The following ASPH variants were observed in gnomAD, a reference collection of about 807,000 sequenced individuals.
ASPH encodes the protein aspartyl/asparaginyl beta-hydroxylase.
ASPH carries 100 observed loss-of-function variants against 118.4 expected under a neutral mutation model. The observed-to-expected ratio is 0.84, with a 90% confidence interval of 0.72 to 1.00. The LOEUF (loss-of-function observed/expected upper bound fraction) is 1.00. Among genes scored for constraint, ASPH ranks in the 50% least tolerant of loss-of-function variants. The probability of loss-of-function intolerance (pLI) is 0.00; values close to 1 mark genes in which losing one functional copy is unlikely to be tolerated. For missense variants in ASPH, 920 were observed against 919.5 expected (o/e 1.00, Z -0.01); for synonymous variants, 315 against 325.6 (o/e 0.97, Z 0.35).
At chr8:61,521,106 T>A (rs1261039813) in intron 22 of ASPH, among the ~76,000 whole-genome samples, 1 of 152,194 alleles carries the variant, frequency 6.6e-6, no homozygotes, top group African/African-American at 2.4e-5. Flanking sequence ...CCACTCTGCA[T>A]GATGAGAGTG....
chr8:61,551,976 C>A (rs1312629775), intron 20 of ASPH, among the ~76,000 whole-genome samples: 1 of 152,194 alleles, frequency 6.6e-6, no homozygotes, highest in East Asian at 1.9e-4. Context: ...ATTATCTGAA[C>A]CTCTAGTACC....
intron 3 of ASPH, 62 bp downstream of exon 3, chr8:61,680,906 G>A: frequency 1.4e-6 from 2 of 1,410,410 alleles, no homozygotes; most frequent in Non-Finnish European, 2.0e-6. Flanking sequence ...TATTATTAAA[G>A]CAAAAATAAT....
At chr8:61,656,791 C>T (rs1219029437) in intron 3 of ASPH, 1 of 152,144 alleles carries the variant, frequency 6.6e-6, no homozygotes, top group Non-Finnish European at 1.5e-5. Context: ...CAAATGAAAT[C>T]AGCACTTTAA....
chr8:61,668,689 T>C (rs1370648367), intron 3 of ASPH, among the ~76,000 whole-genome samples: 2 of 152,190 alleles, frequency 1.3e-5, no homozygotes, highest in Non-Finnish European at 2.9e-5. Context: ...CAAAAAAGGA[T>C]AGCATATTTT....
At chr8:61,664,239 A>G (rs1207085054) in intron 3 of ASPH, 1 of 964,216 alleles carries the variant, frequency 1.0e-6, no homozygotes, top group Non-Finnish European at 1.2e-6. Flanking sequence ...ATCTCTAGTG[A>G]AGAGATTACA....
intron 14 of ASPH, among the ~76,000 whole-genome samples, chr8:61,604,958 CT>C (rs1330029167): frequency 6.6e-6 from 1 of 152,092 alleles, no homozygotes; most frequent in Non-Finnish European, 1.5e-5. Context: ...AAGCATTTAG[CT>C]TTTTTTGTTA....
chr8:61,515,390 G>C (rs1227606368), intron 24 of ASPH, among the ~76,000 whole-genome samples: 1 of 152,182 alleles, frequency 6.6e-6, no homozygotes, highest in African/African-American at 2.4e-5. Context: ...TGCCTGTCCA[G>C]TGATCCCTGA....
At position 61,714,290 on chromosome 8, in the gene ASPH, TGCTGCCCGCACTCGTGCTACC is replaced by T. The variant is rs747334108; in HGVS notation, c.61_81del (p.Gly21_Ser27del). The T allele has an allele frequency of 2.0e-6, 3 of 1,521,426 alleles. No individual in the cohort carries two copies. In the South Asian group the frequency reaches 3.7e-5, roughly 19 times the overall value. 94.2% of individuals were successfully genotyped at this position (1,521,426 alleles called of 1,614,324 possible). A position where few individuals can be genotyped will look rare whatever the true frequency, so the allele number is the denominator to read the frequency against. On this transcript the variant is annotated inframe_deletion, in exon 1 of 25. Transcript: ENST00000379454. ...TGACCTCTCCGGGCCCCGGGGCTGC[TGCTGCCCGCACTCGTGCTACC>T]GCTGCCGGAGCCGCTGCTGCTGCTG...
chr8:61,709,696 G>A (rs548752430), intron 1 of ASPH, among the ~76,000 whole-genome samples: 1 of 152,282 alleles, frequency 6.6e-6, no homozygotes, highest in South Asian at 2.1e-4. Context: ...GAGGTGATAT[G>A]GAAGTATCCA....
At chr8:61,664,285 A>T in intron 3 of ASPH, 2 of 968,796 alleles carry the variant, frequency 2.1e-6, no homozygotes, top group South Asian at 9.5e-5. Context: ...TAATAATGAC[A>T]CAATCAAATA....
In ASPH at chr8:61,517,881, C is replaced by T. The variant is rs747846022; in HGVS notation, c.1992+151G>A. 7.7e-5 allele frequency: 84 copies of T among 1,088,422 alleles called. No homozygotes were observed. The Middle Eastern group carries it at 2.7e-3, about 35-fold the overall frequency. 67.4% of individuals were successfully genotyped at this position (1,088,422 alleles called of 1,614,324 possible). On this transcript the variant is annotated intron_variant, in intron 23 of 24. Transcript: ENST00000379454. ...GAACATTTTCCACCCTCAATTCTGA[C>T]GTCAACCACATAAAATTATGTTTCA...
chr8:61,595,094 C>A (rs1842167350), intron 14 of ASPH, among the ~76,000 whole-genome samples: 1 of 152,158 alleles, frequency 6.6e-6, no homozygotes, highest in African/African-American at 2.4e-5. Context: ...TCTTTAAACA[C>A]AACTTGAAAA....
intron 3 of ASPH, chr8:61,663,450 T>C (rs535246863): frequency 2.5e-5 from 25 of 985,390 alleles, no homozygotes; most frequent in East Asian, 1.1e-4. Context: ...GGTTATCAAG[T>C]GGTAGCATCT....
intron 1 of ASPH, among the ~76,000 whole-genome samples, chr8:61,710,475 A>G (rs1837809524): frequency 6.6e-6 from 1 of 152,244 alleles, no homozygotes; most frequent in South Asian, 2.1e-4. Flanking sequence ...ATTATTTTAA[A>G]GCAAGACTAA....
rs60068220 is a variant in ASPH at position 61,541,204 on chromosome 8, TA to T, written c.1764+6866del. On this transcript the variant is annotated intron_variant, in intron 21 of 24. Transcript: ENST00000379454. ...ATAAGAGTAAAGATATAATTCATAT[TA>T]AAAAAAAAATTAGCCGGGCATGGTG... Among the ~76,000 whole-genome samples the T allele has an allele frequency of 7.1e-3, 1,073 of 150,326 alleles. 20 individuals are homozygous for T. Among genetic ancestry groups the T allele is most frequent in the East Asian group, 0.055 (281 of 5,142 alleles).
rs113727979 is a variant in ASPH at position 61,643,671 on chromosome 8, C to A, written c.710-238G>T. 7.9e-5 allele frequency among the ~76,000 whole-genome samples: 12 copies of A among 152,220 alleles called. 1 individual carries two copies. Among genetic ancestry groups the A allele is most frequent in the African/African-American group, 2.9e-4 (12 of 41,530 alleles). ...ATGACTTTATAGTACATCATACTGC[C>A]CCTTCAATTTTCAAATATTCTTTCC... is the stretch of plus-strand genomic sequence containing the variant. On this transcript the variant is annotated intron_variant, in intron 8 of 24. Coordinates refer to ENST00000379454, the MANE Select transcript of ASPH (RefSeq NM_004318.4).
intron 18 of ASPH, among the ~76,000 whole-genome samples, chr8:61,556,666 T>C (rs1012031057): frequency 1.3e-5 from 2 of 152,252 alleles, no homozygotes; most frequent in Non-Finnish European, 2.9e-5. Flanking sequence ...AGATAAATTA[T>C]GCAAAGTGCC....
Position 61,534,981 on chromosome 8 carries a change from T to G in ASPH, c.1765-8869A>C, listed in dbSNP as rs571881769. Among the ~76,000 whole-genome samples, 12 of 152,246 alleles carry G rather than the reference T, an allele frequency of 7.9e-5. No individual in the cohort carries two copies. The South Asian group carries it at 1.7e-3, about 21-fold the overall frequency. On this transcript the variant is annotated intron_variant, in intron 21 of 24. Transcript: ENST00000379454. ...GGCTTACAGAGGGCCAACTTCTCAC[T>G]GTCTGCATGTGGCATTTCCTTGGCG...
intron 13 of ASPH, chr8:61,623,681 C>T (rs1763712862): frequency 2.0e-5 from 3 of 152,170 alleles, no homozygotes; most frequent in Admixed American, 2.0e-4. Context: ...AGGTATATAT[C>T]CAAAAGAAAA....
Sources: gnomAD v4.1 joint callset for allele counts (sites outside exome capture counted in the v4.1 genomes callset) on GRCh38, gnomAD v4.1.1 for gene constraint, MANE v1.5 for transcripts, NCBI Gene and HGNC (gene_info 2026-07-23, HGNC 2026-07-21) for gene names.